The following RARB variants were observed in gnomAD, a reference collection of about 807,000 sequenced individuals.
RARB encodes retinoic acid receptor beta.
In RARB, 17 loss-of-function variants were observed where a neutral mutation model predicts 51.9. The observed-to-expected ratio is 0.33, with a 90% confidence interval of 0.22 to 0.49. The LOEUF (loss-of-function observed/expected upper bound fraction) is 0.49. Ranked by LOEUF, RARB falls within the 20% of genes least tolerant of loss-of-function variation. The pLI, the probability that RARB is intolerant of heterozygous loss-of-function variation, is 0.99. For synonymous variants in RARB, 215 were observed against 195.4 expected (o/e 1.10, Z -0.84); for missense variants, 369 against 550.8 (o/e 0.67, Z 3.30).
intron 3 of RARB, among the ~76,000 whole-genome samples, chr3:25,099,257 C>T (rs929123970): frequency 1.3e-5 from 2 of 152,158 alleles, no homozygotes; most frequent in African/African-American, 4.8e-5. Flanking sequence ...TTCTGCCTTC[C>T]TGACCAAAGT....
chr3:24,959,552 C>G (rs571657436), intron 2 of RARB, among the ~76,000 whole-genome samples: 1 of 152,282 alleles, frequency 6.6e-6, no homozygotes, highest in Non-Finnish European at 1.5e-5. Flanking sequence ...GAAAAAGCAG[C>G]ATTCTAGTGG....
intron 2 of RARB, among the ~76,000 whole-genome samples, chr3:24,917,442 A>G (rs570717751): frequency 6.6e-6 from 1 of 152,378 alleles, no homozygotes; most frequent in African/African-American, 2.4e-5. Context: ...AACAAAGCAC[A>G]ACTCAGTGAT....
At chr3:25,014,060 G>C (rs979436424) in intron 2 of RARB, among the ~76,000 whole-genome samples, 1 of 152,092 alleles carries the variant, frequency 6.6e-6, no homozygotes, top group African/African-American at 2.4e-5. Flanking sequence ...ATGAGAGCCA[G>C]AAACTCAAAA....
chr3:25,006,041 TTGAC>T (rs539987217), intron 2 of RARB, among the ~76,000 whole-genome samples: 254 of 152,246 alleles, frequency 1.7e-3, no homozygotes, highest in African/African-American at 5.8e-3. Context: ...ACTGTTCCCT[TTGAC>T]TGAACTGTCC....
chr3:25,170,272 G>C (rs140761309), intron 4 of RARB, among the ~76,000 whole-genome samples: 1 of 152,208 alleles, frequency 6.6e-6, no homozygotes, highest in African/African-American at 2.4e-5. Flanking sequence ...GACAGAGACT[G>C]TATGAACCAC....
chr3:25,111,890 A>G (rs891279521), intron 3 of RARB, among the ~76,000 whole-genome samples: 1 of 151,924 alleles, frequency 6.6e-6, no homozygotes, highest in African/African-American at 2.4e-5. Context: ...CAAATTTTAT[A>G]TTCATTTCCC....
chr3:25,281,567 G>A (rs897616268), intron 5 of RARB, among the ~76,000 whole-genome samples: 6 of 152,200 alleles, frequency 3.9e-5, no homozygotes, highest in Non-Finnish European at 8.8e-5. Flanking sequence ...AGGGGCAATA[G>A]GATCTGTAGG....
At position 25,083,559 on chromosome 3, in the gene RARB, A is replaced by T. The variant is rs1030833926; in HGVS notation, c.-328+23383A>T. ...AACTCATTATGTCCATCTTTTATTT[A>T]AACTATTGAATATATTTACAATAAC... On this transcript the variant is annotated intron_variant, in intron 3 of 11. Coordinates refer to the RARB transcript ENST00000383772. Among the ~76,000 whole-genome samples the T allele has an allele frequency of 3.3e-5, 5 of 152,246 alleles. No homozygotes were observed. The South Asian group carries it at 1.0e-3, about 32-fold the overall frequency.
chr3:25,156,683 G>A (rs1422214024), intron 4 of RARB, among the ~76,000 whole-genome samples: 2 of 151,950 alleles, frequency 1.3e-5, no homozygotes, highest in Non-Finnish European at 2.9e-5. Context: ...TTAAAAAAAT[G>A]CTTCAGCCAG....
intron 2 of RARB, among the ~76,000 whole-genome samples, chr3:25,471,110 A>G (rs1559420067): frequency 6.6e-6 from 1 of 152,212 alleles, no homozygotes; most frequent in African/African-American, 2.4e-5. Context: ...ATCTAATTAC[A>G]TAGGGCTTGG....
chr3:25,386,837 C>G (rs17016358), intron 5 of RARB, among the ~76,000 whole-genome samples: 13,048 of 152,174 alleles, frequency 0.086, 747 homozygotes, highest in African/African-American at 0.16. Flanking sequence ...TCTTATTGTT[C>G]AAGATGTGCT....
intron 5 of RARB, among the ~76,000 whole-genome samples, chr3:25,247,395 G>A (rs1227106209): frequency 6.6e-6 from 1 of 152,210 alleles, no homozygotes; most frequent in East Asian, 1.9e-4. Context: ...ATCTGGTTCG[G>A]TGTCTGTCCA....
At chr3:25,426,217 C>T (rs1707981237), upstream of RARB, among the ~76,000 whole-genome samples, 1 of 152,126 alleles carries the variant, frequency 6.6e-6, no homozygotes. Context: ...TGTTCTCTTG[C>T]TTAAAATGTG....
chr3:25,286,348 A>G (rs919393735), intron 5 of RARB, among the ~76,000 whole-genome samples: 1 of 152,230 alleles, frequency 6.6e-6, no homozygotes, highest in African/African-American at 2.4e-5. Flanking sequence ...TTGGCCTCCC[A>G]AAGTGCTGGG....
intron 5 of RARB, chr3:25,258,969 C>T (rs188906801): frequency 3.4e-5 from 32 of 932,636 alleles, no homozygotes; most frequent in South Asian, 4.9e-5. Flanking sequence ...GGGGACCAAA[C>T]CTCAGCCTGA....
At chr3:24,871,555 T>C (rs1190417031) in intron 2 of RARB, among the ~76,000 whole-genome samples, 1 of 152,180 alleles carries the variant, frequency 6.6e-6, no homozygotes, top group Non-Finnish European at 1.5e-5. Context: ...TCTTGGACTT[T>C]ACTCATTTAT....
chr3:24,889,787 C>G (rs995038697), intron 2 of RARB, among the ~76,000 whole-genome samples: 1 of 147,896 alleles, frequency 6.8e-6, no homozygotes, highest in African/African-American at 2.5e-5. Context: ...TTTGTTTATA[C>G]TTTGAAATGT....
chr3:25,162,445 A>G (rs1026154613), intron 4 of RARB, among the ~76,000 whole-genome samples: 2 of 152,158 alleles, frequency 1.3e-5, no homozygotes, highest in Non-Finnish European at 2.9e-5. Flanking sequence ...TCAAACAACA[A>G]CATTCACCAT....
intron 3 of RARB, among the ~76,000 whole-genome samples, chr3:25,076,146 A>ATT (rs34420684): frequency 0.038 from 5,593 of 146,288 alleles, 137 homozygotes; most frequent in Middle Eastern, 0.06. Context: ...GCAGTTATTT[A>ATT]TTTTTTTTTT....
Sources: allele counts gnomAD v4.1 joint callset (sites outside exome capture counted in the v4.1 genomes callset), GRCh38; gene constraint gnomAD v4.1.1; transcripts MANE v1.5; gene names NCBI Gene and HGNC (gene_info 2026-07-23, HGNC 2026-07-21).